The following TMEM229B variants were observed in gnomAD, a reference collection of about 807,000 sequenced individuals.
TMEM229B encodes chromosome 14 open reading frame 83.
Under a neutral mutation model 13.7 loss-of-function variants are expected in TMEM229B, and 6 were observed. The ratio of observed to expected loss-of-function variants is 0.44; its 90% CI spans 0.24 to 0.86. The LOEUF is 0.86. Among genes scored for constraint, TMEM229B ranks in the 40% least tolerant of loss-of-function variants. The probability of loss-of-function intolerance (pLI) is 0.23; values close to 1 mark genes in which losing one functional copy is unlikely to be tolerated. For synonymous variants in TMEM229B, 107 were observed against 102.1 expected, an observed-to-expected ratio of 1.05 and a Z score of -0.29; for missense variants, 170 against 236.0, an observed-to-expected ratio of 0.72 and a Z score of 1.83.
intron 1 of TMEM229B, among the ~76,000 whole-genome samples, chr14:67,507,582 G>C (rs2032872986): frequency 6.6e-6 from 1 of 152,048 alleles, no homozygotes; most frequent in African/African-American, 2.4e-5. Context: ...CCAAGGAACT[G>C]GGAGTACAGA....
Position 67,520,786 on chromosome 14 carries a change from G to A in TMEM229B, c.-192+12850C>T, listed in dbSNP as rs1180921211. On this transcript the variant is annotated intron_variant, in intron 1 of 2. Coordinates refer to the TMEM229B transcript ENST00000554278. ...TAAAGCTGCTATAAACTCCATGCAGGTTTTTGTGTGGACATAAATTTCCAA... is the reference window on the plus strand; with the variant it reads ...TAAAGCTGCTATAAACTCCATGCAGATTTTTGTGTGGACATAAATTTCCAA... Among the ~76,000 whole-genome samples the A allele has an allele frequency of 3.3e-5, 5 of 152,330 alleles. No individual in the cohort carries two copies. The East Asian group carries it at 9.6e-4, about 29-fold the overall frequency.
chr14:67,473,795 C>A lies in TMEM229B; in HGVS notation c.129G>T (p.Gly43=). The stretch of plus-strand genomic sequence containing the variant: ...TGAAGAGGGCCCACACGCTCGTGAC[C>A]CCAGGGAACTTCCAGTTCAAGTTCA... The part of the protein sequence containing the change: ...FVVNLNWKFP[G]VTSVWALFIY... The change falls in exon 3 of 3, where the codon GGG becomes GGT. Residue 43 remains glycine (G), a synonymous_variant. Transcript: ENST00000554480. This position sits in a 1 kb window ranked among gnomAD's most constrained non-coding sequence, Gnocchi z 6.5. 3 of 1,613,954 alleles carry A rather than the reference C, an allele frequency of 1.9e-6. No individual in the cohort carries two copies. The highest frequency in any genetic ancestry group is 2.5e-6 in the Non-Finnish European group (3 of 1,179,968).
intron 1 of TMEM229B, among the ~76,000 whole-genome samples, chr14:67,502,246 AC>A (rs1166788925): frequency 8.6e-5 from 13 of 151,652 alleles, no homozygotes; most frequent in African/African-American, 2.9e-4. Flanking sequence ...CAGGAGAATC[AC>A]TTGAACCTGG....
intron 1 of TMEM229B, among the ~76,000 whole-genome samples, chr14:67,531,745 T>TG (rs1491507877): frequency 9.1e-6 from 1 of 110,116 alleles, no homozygotes; most frequent in African/African-American, 3.2e-5. Context: ...AAAAAAAAAA[T>TG]TTTTTTTTTT....
exon 1 of TMEM229B, chr14:67,533,683 C>A (rs1464029088): frequency 6.6e-6 from 1 of 152,094 alleles, no homozygotes; most frequent in Non-Finnish European, 1.5e-5. Context: ...GAAGGGCCCT[C>A]GGAGCGGACG....
intron 1 of TMEM229B, among the ~76,000 whole-genome samples, chr14:67,504,476 T>C (rs1307690264): frequency 6.6e-6 from 1 of 152,200 alleles, no homozygotes; most frequent in African/African-American, 2.4e-5. Context: ...TTTTTTTCAG[T>C]TATATATGTA....
At chr14:67,496,788 G>GTCTT (rs373776335) in intron 1 of TMEM229B, among the ~76,000 whole-genome samples, 1,730 of 41,892 alleles carry the variant, frequency 0.041, 20 homozygotes, top group Non-Finnish European at 0.067. Flanking sequence ...CCTCATTTCT[G>GTCTT]TCTTTCTTTC....
At chr14:67,489,310 T>C (rs1456254771), upstream of TMEM229B, among the ~76,000 whole-genome samples, 8 of 152,204 alleles carry the variant, frequency 5.3e-5, no homozygotes, top group Non-Finnish European at 1.2e-4. Context: ...CCCCATACAA[T>C]GTGCCTTCGA....
At chr14:67,478,582 C>A (rs1174795986) in intron 2 of TMEM229B, among the ~76,000 whole-genome samples, 1 of 152,232 alleles carries the variant, frequency 6.6e-6, no homozygotes, top group East Asian at 1.9e-4. Flanking sequence ...ATGAGTGGAT[C>A]TTCAACATCT....
upstream of TMEM229B, among the ~76,000 whole-genome samples, chr14:67,492,223 G>A (rs893757181): frequency 6.6e-6 from 1 of 152,028 alleles, no homozygotes; most frequent in East Asian, 1.9e-4. Flanking sequence ...TCCCACCCCC[G>A]GCAATCAGTA....
intron 1 of TMEM229B, among the ~76,000 whole-genome samples, chr14:67,506,005 TTTG>T (rs2032812776): frequency 1.3e-5 from 2 of 151,960 alleles, no homozygotes; most frequent in Non-Finnish European, 2.9e-5. Flanking sequence ...TGGCTGATAA[TTTG>T]TTCTTTTCAA....
chr14:67,505,778 C>T (rs1417443762), intron 1 of TMEM229B, among the ~76,000 whole-genome samples: 2 of 151,814 alleles, frequency 1.3e-5, no homozygotes, highest in Non-Finnish European at 2.9e-5. Flanking sequence ...GCGATCTCAG[C>T]TCACTGCAAC....
In TMEM229B at chr14:67,496,391, G is replaced by GTT. The variant is rs555715850; in HGVS notation, c.-191-9221_-191-9220dup. ...TACAGGTGTGAGCCACTGCTCCGGC[G>GTT]TTTTTTTTTTTTTTTTTTTTTTTTT... On this transcript the variant is annotated intron_variant, in intron 1 of 2. Transcript: ENST00000357461. Among the ~76,000 whole-genome samples, 19 of 30,104 alleles carry GTT rather than the reference G, an allele frequency of 6.3e-4. 5 individuals carry two copies. Among genetic ancestry groups the GTT allele is most frequent in the African/African-American group, 9.1e-4 (7 of 7,658 alleles). 19.7% of individuals were successfully genotyped at this position (30,104 alleles called of 152,430 possible). A position where few individuals can be genotyped will look rare whatever the true frequency, so the allele number is the denominator to read the frequency against.
intron 1 of TMEM229B, among the ~76,000 whole-genome samples, chr14:67,521,922 A>G (rs2140271600): frequency 6.6e-6 from 1 of 152,298 alleles, no homozygotes; most frequent in South Asian, 2.1e-4. Flanking sequence ...CATGTTTGTA[A>G]TCCCAGCATT....
upstream of TMEM229B, among the ~76,000 whole-genome samples, chr14:67,493,481 C>T (rs575275665): frequency 2.0e-4 from 31 of 152,204 alleles, no homozygotes; most frequent in South Asian, 4.1e-4. Context: ...AGTGTGCTCT[C>T]GTGATCGTAA....
chr14:67,511,422 G>A (rs2033021565), intron 1 of TMEM229B, among the ~76,000 whole-genome samples: 2 of 152,242 alleles, frequency 1.3e-5, no homozygotes, highest in South Asian at 4.2e-4. Flanking sequence ...CTGAGGACCC[G>A]AGACCTGTCC....
At chr14:67,476,163 C>T (rs2031180244) in intron 2 of TMEM229B, among the ~76,000 whole-genome samples, 1 of 152,248 alleles carries the variant, frequency 6.6e-6, no homozygotes, top group African/African-American at 2.4e-5. Flanking sequence ...GTAGTATGCA[C>T]ACCTGTCTGG....
At chr14:67,501,304 GA>G (rs1212475862) in intron 1 of TMEM229B, among the ~76,000 whole-genome samples, 1 of 152,004 alleles carries the variant, frequency 6.6e-6, no homozygotes. Context: ...ACTCAGCTCA[GA>G]CACAAAATTT....
intron 1 of TMEM229B, among the ~76,000 whole-genome samples, chr14:67,501,118 A>C (rs932012727): frequency 1.2e-4 from 18 of 151,382 alleles, no homozygotes; most frequent in African/African-American, 3.6e-4. Context: ...GCTGCTCTGC[A>C]TGAGCTAACT....
Sources: gnomAD v4.1 joint callset for allele counts (sites outside exome capture counted in the v4.1 genomes callset) on GRCh38, gnomAD v4.1.1 for gene constraint, Gnocchi (gnomAD v3.1) non-coding constraint, MANE v1.5 for transcripts, NCBI Gene and HGNC (gene_info 2026-07-23, HGNC 2026-07-21) for gene names.